SFSWAP: variants seen among roughly 807,000 people sequenced by gnomAD.
SFSWAP encodes the protein splicing factor SWAP.
In SFSWAP, 17 loss-of-function variants were observed where a neutral mutation model predicts 100.7. That is an observed-to-expected ratio of 0.17 (90% CI 0.12 to 0.25). The LOEUF (loss-of-function observed/expected upper bound fraction) is 0.25, where lower values mean the gene tolerates loss of function less well. SFSWAP is among the 10% of genes least tolerant of loss of function. The pLI, the probability that SFSWAP is intolerant of heterozygous loss-of-function variation, is 1.00. For missense variants in SFSWAP, 1,005 were observed against 1,262.6 expected (o/e 0.80, Z 3.09); for synonymous variants, 504 against 510.1 (o/e 0.99, Z 0.16).
intron 13 of SFSWAP, among the ~76,000 whole-genome samples, chr12:131,775,000 T>C (rs1275480500): frequency 6.6e-6 from 1 of 152,210 alleles, no homozygotes; most frequent in Non-Finnish European, 1.5e-5. Context: ...GAGAGTTGAC[T>C]CCTCGCACTC....
Position 131,794,746 on chromosome 12 carries a change from T to G in SFSWAP, c.2535-2432T>G, listed in dbSNP as rs996982244. ...CGTGGATAAGGCCCAGGTGTCAGGG[T>G]GTGCGCACTTGCCAAGCTCAGCGGC... On this transcript the variant is annotated intron_variant, in intron 15 of 17. Transcript: ENST00000261674. The surrounding 1 kb of genome is among the most constrained non-coding windows in gnomAD (Gnocchi z 4.8). Among the ~76,000 whole-genome samples, 1 of 152,138 alleles carries G rather than the reference T, an allele frequency of 6.6e-6. No individual in the cohort carries two copies. The highest frequency in any genetic ancestry group is 1.5e-5 in the Non-Finnish European group (1 of 68,032).
At chr12:131,774,906 A>AT (rs1444301487) in intron 13 of SFSWAP, among the ~76,000 whole-genome samples, 1 of 152,120 alleles carries the variant, frequency 6.6e-6, no homozygotes, top group Admixed American at 6.5e-5. Context: ...AATGACAGGC[A>AT]TTAGTTAGGA....
intron 8 of SFSWAP, 72 bp from the exon 9 acceptor site, chr12:131,754,296 A>G: frequency 8.0e-7 from 1 of 1,253,828 alleles, no homozygotes; most frequent in South Asian, 1.9e-5. Context: ...GGCGGTGAGG[A>G]CCCCCGAGCA....
intron 9 of SFSWAP, among the ~76,000 whole-genome samples, 169 bp downstream of exon 9, chr12:131,754,668 C>G (rs1241885169): frequency 9.3e-6 from 1 of 107,132 alleles, no homozygotes; most frequent in Non-Finnish European, 1.7e-5. Flanking sequence ...GAGTCTTGCT[C>G]TGTCACCCAG....
At chr12:131,741,555 A>G (rs904833309) in intron 7 of SFSWAP, among the ~76,000 whole-genome samples, 19 of 151,008 alleles carry the variant, frequency 1.3e-4, no homozygotes, top group African/African-American at 3.9e-4. Context: ...GGGGGTTGGC[A>G]GAGGGGAGGG....
chr12:131,783,149 C>T (rs1371450169), intron 14 of SFSWAP, among the ~76,000 whole-genome samples: 1 of 149,700 alleles, frequency 6.7e-6, no homozygotes, highest in Admixed American at 6.7e-5. Flanking sequence ...TCACTGCTCT[C>T]CAGCCTGGGC....
chr12:131,753,199 A>T lies in SFSWAP; in HGVS notation c.1158A>T (p.Gly386=), dbSNP rs373511794. The stretch of plus-strand genomic sequence containing the variant: ...ACTGCCTGGCGCCGCCCCCTCCCGG[A>T]ATCGACGTGACTACTTACTACAGCA... ...GTYCLAPPPP[G]IDVTTYYSTL... Residue 386 remains glycine (G), a synonymous_variant, in exon 8 of 18, where the codon GGA becomes GGT. Transcript: ENST00000261674. 3.1e-6 allele frequency: 5 copies of T among 1,614,042 alleles called. No homozygotes were observed. The highest frequency in any genetic ancestry group is 4.2e-6 in the Non-Finnish European group (5 of 1,180,024).
intron 12 of SFSWAP, among the ~76,000 whole-genome samples, chr12:131,765,212 C>T (rs149513233): frequency 6.6e-6 from 1 of 152,378 alleles, no homozygotes; most frequent in East Asian, 1.9e-4. Flanking sequence ...GTAGTCTTCC[C>T]ATCCCGACTC....
At chr12:131,721,178 A>T (rs886787249) in intron 4 of SFSWAP, among the ~76,000 whole-genome samples, 18 of 152,180 alleles carry the variant, frequency 1.2e-4, no homozygotes, top group African/African-American at 1.7e-4. Context: ...GAAACTATTC[A>T]TGAAGGATCC....
chr12:131,780,620 C>T (rs901042303), intron 14 of SFSWAP, among the ~76,000 whole-genome samples: 2 of 152,160 alleles, frequency 1.3e-5, no homozygotes, highest in Non-Finnish European at 2.9e-5. Flanking sequence ...GCTATGATCA[C>T]GCCACTGCAC....
At position 131,797,270 on chromosome 12, in the gene SFSWAP, C is replaced by A; in HGVS notation, c.2627C>A (p.Ala876Glu). The change falls in exon 16 of 18, where the codon GCG (alanine) becomes GAG (glutamate). Residue 876 changes from alanine to glutamate, a missense_variant. By Grantham distance (107) the Ala-to-Glu change is moderately radical. Around this residue, in one of 7 missense-constraint regions of SFSWAP, gnomAD observed 295 missense variants for 347.9 expected, o/e 0.85. Transcript: ENST00000261674. ...SQSVSPSKQA[A>E]PRPAAPAAHS... ...TCGGTGTCACCCAGCAAGCAGGCAGCGCCCCGGCCCGCGGCCCCCGCGGCC... is the reference window on the plus strand; with the variant it reads ...TCGGTGTCACCCAGCAAGCAGGCAGAGCCCCGGCCCGCGGCCCCCGCGGCC... The A allele has an allele frequency of 6.2e-7, 1 of 1,612,286 alleles. No individual in the cohort carries two copies. The highest frequency in any genetic ancestry group is 8.5e-7 in the Non-Finnish European group (1 of 1,179,608).
rs1414626432 is a variant in SFSWAP at position 131,778,483 on chromosome 12, G to A, written c.2408+153G>A. 6.6e-6 allele frequency among the ~76,000 whole-genome samples: 1 copy of A among 152,180 alleles called. No homozygotes were observed. The highest frequency in any genetic ancestry group is 2.4e-5 in the African/African-American group (1 of 41,436). ...GTGCATGTGTGCCCTGCAAGTCCAA[G>A]TAAGATCTTTTTCAGATTTTTGTTT... On this transcript the variant is annotated intron_variant, in intron 14 of 17. Coordinates refer to ENST00000261674, the MANE Select transcript of SFSWAP (RefSeq NM_004592.4). The surrounding 1 kb of genome is among the most constrained non-coding windows in gnomAD (Gnocchi z 4.2).
chr12:131,728,373 A>G lies in SFSWAP; in HGVS notation c.1026A>G (p.Pro342=). ...AGGCTGACAGTTCCACTCCCACCCCACACAACGCAGACGGTGCGCCTGTGC... is the reference window on the plus strand; with the variant it reads ...AGGCTGACAGTTCCACTCCCACCCCGCACAACGCAGACGGTGCGCCTGTGC... ...KAQADSSTPT[P]HNADGAPVQP... is the part of the protein sequence containing the mutation. Residue 342 remains proline (P), a synonymous_variant, in exon 7 of 18, where the codon CCA becomes CCG. Transcript: ENST00000261674. The G allele has an allele frequency of 6.2e-7, 1 of 1,614,154 alleles. No homozygotes were observed. Among genetic ancestry groups the G allele is most frequent in the Non-Finnish European group, 8.5e-7 (1 of 1,180,038 alleles).
At chr12:131,772,804 G>T (rs1338385281) in intron 13 of SFSWAP, among the ~76,000 whole-genome samples, 1 of 152,190 alleles carries the variant, frequency 6.6e-6, no homozygotes, top group Non-Finnish European at 1.5e-5. Context: ...CTGAGTTCTT[G>T]TCCGGCGTCC....
rs1489372129 is a variant in SFSWAP, at chr12:131,711,479, C to T, written c.218+32C>T. ...TCCTCTCCCCACCCGTCGATCCTTC[C>T]CTTCCCTCACCCGCTTGATCTCGTC... On this transcript the variant is annotated intron_variant, in intron 1 of 17. Transcript: ENST00000261674. This position sits in a 1 kb window ranked among gnomAD's most constrained non-coding sequence, Gnocchi z 4.9. 3 of 1,533,180 alleles carry T rather than the reference C, an allele frequency of 2.0e-6. No individual in the cohort carries two copies. The highest frequency in any genetic ancestry group is 2.7e-6 in the Non-Finnish European group (3 of 1,109,306). The allele number at this position is 1,533,180 out of a possible 1,614,324, so 95.0% of individuals were successfully genotyped here.
intron 11 of SFSWAP, among the ~76,000 whole-genome samples, chr12:131,761,555 GGCAGTGCAAACGTGGA>G (rs1361726829): frequency 2.6e-5 from 4 of 152,208 alleles, no homozygotes; most frequent in African/African-American, 9.6e-5. Context: ...AGAGGTGAGG[GGCAGTGCAAACGTGGA>G]GCAGTGGCCC....
At position 131,778,464 on chromosome 12, in the gene SFSWAP, G is replaced by C; in HGVS notation, c.2408+134G>C. The C allele has an allele frequency of 7.5e-7, 1 of 1,334,932 alleles. No individual in the cohort carries two copies. Among genetic ancestry groups the C allele is most frequent in the South Asian group, 1.5e-5 (1 of 65,326 alleles). The allele number at this position is 1,334,932 out of a possible 1,614,324, so 82.7% of individuals were successfully genotyped here. A position where few individuals can be genotyped will look rare whatever the true frequency, so the allele number is the denominator to read the frequency against. ...AGCAGACGCGTGTATGCATGTGCAT[G>C]TGTGCCCTGCAAGTCCAAGTAAGAT... On this transcript the variant is annotated intron_variant, in intron 14 of 17. Coordinates refer to ENST00000261674, the MANE Select transcript of SFSWAP (RefSeq NM_004592.4). This position sits in a 1 kb window ranked among gnomAD's most constrained non-coding sequence, Gnocchi z 4.2.
At chr12:131,761,557 C>T (rs1021929246) in intron 11 of SFSWAP, among the ~76,000 whole-genome samples, 4 of 152,124 alleles carry the variant, frequency 2.6e-5, no homozygotes, top group Admixed American at 2.6e-4. Context: ...AGGTGAGGGG[C>T]AGTGCAAACG....
rs1460102643 is a variant in SFSWAP at position 131,719,435 on chromosome 12, T to A, written c.521-19T>A. 2.5e-6 allele frequency: 4 copies of A among 1,607,370 alleles called. No homozygotes were observed. The highest frequency in any genetic ancestry group is 3.3e-5 in the Admixed American group (2 of 60,016). The stretch of plus-strand genomic sequence containing the variant: ...CCTCCCTGCATTGTTCTGAATTTTT[T>A]AATTTTCTTTTTATGCAGAAAAAAA... On this transcript the variant is annotated intron_variant, in intron 3 of 17. Coordinates refer to ENST00000261674, the MANE Select transcript of SFSWAP (RefSeq NM_004592.4).
Sources: gnomAD v4.1 joint callset for allele counts (sites outside exome capture counted in the v4.1 genomes callset) on GRCh38, gnomAD v4.1.1 for gene constraint, gnomAD v4.1.1 regional missense constraint, Gnocchi (gnomAD v3.1) non-coding constraint, MANE v1.5 for transcripts, NCBI Gene and HGNC (gene_info 2026-07-23, HGNC 2026-07-21) for gene names.